MBOAT1: variants seen among roughly 807,000 people sequenced by gnomAD.
MBOAT1 encodes membrane bound glycerophospholipid O-acyltransferase 1, also known as membrane-bound glycerophospholipid O-acyltransferase 1.
A neutral mutation model predicts 64.4 loss-of-function variants in MBOAT1; 67 were observed. The observed-to-expected ratio is 1.04, with a 90% CI of 0.85 to 1.27. The LOEUF is 1.27. Among genes scored for constraint, MBOAT1 ranks in the 50% most tolerant of loss-of-function variants. MBOAT1 has a pLI of 0.00. For missense variants in MBOAT1, 563 were observed against 604.6 expected (o/e 0.93, Z 0.72); for synonymous variants, 229 against 218.9 (o/e 1.05, Z -0.41).
chr6:20,166,709 G>A (rs547691557), intron 1 of MBOAT1, among the ~76,000 whole-genome samples: 8 of 152,154 alleles, frequency 5.3e-5, no homozygotes, highest in African/African-American at 1.4e-4. Flanking sequence ...AGGCCGAGGC[G>A]GGAGGATGGT....
intron 6 of MBOAT1, among the ~76,000 whole-genome samples, chr6:20,127,746 T>C (rs938796867): frequency 1.3e-5 from 2 of 152,114 alleles, no homozygotes; most frequent in African/African-American, 4.8e-5. Context: ...GTGAGTTGTA[T>C]AATTATTTCA....
chr6:20,107,261 A>C (rs2113625080), intron 12 of MBOAT1, among the ~76,000 whole-genome samples: 1 of 152,172 alleles, frequency 6.6e-6, no homozygotes, highest in South Asian at 2.1e-4. Context: ...CTTGGATTCT[A>C]TGTTCTGCCC....
At chr6:20,195,634 T>C (rs910443523) in intron 1 of MBOAT1, among the ~76,000 whole-genome samples, 23 of 151,400 alleles carry the variant, frequency 1.5e-4, no homozygotes, top group Non-Finnish European at 3.2e-4. Context: ...TGTGTGTGTG[T>C]GCATGTGCAC....
At chr6:20,145,703 A>G (rs1761307551) in intron 3 of MBOAT1, among the ~76,000 whole-genome samples, 2 of 152,178 alleles carry the variant, frequency 1.3e-5, no homozygotes, top group Admixed American at 6.5e-5. Context: ...ATGACACTGC[A>G]CTGCTCATGT....
chr6:20,131,038 A>T, intron 5 of MBOAT1, 106 bp downstream of exon 5: 2 of 978,042 alleles, frequency 2.0e-6, no homozygotes, highest in East Asian at 2.5e-5. Flanking sequence ...ATAAAGCAAG[A>T]TCTGCCAGCA....
At chr6:20,139,465 A>G (rs1291551526) in intron 4 of MBOAT1, among the ~76,000 whole-genome samples, 1 of 151,352 alleles carries the variant, frequency 6.6e-6, no homozygotes, top group Non-Finnish European at 1.5e-5. Flanking sequence ...AAATAAGGAC[A>G]TATTCTGAGG....
chr6:20,149,841 T>C (rs767207223), intron 3 of MBOAT1, among the ~76,000 whole-genome samples: 1 of 152,236 alleles, frequency 6.6e-6, no homozygotes, highest in Non-Finnish European at 1.5e-5. Context: ...ACTGTGCTAA[T>C]AGTGATTAAT....
At chr6:20,182,606 T>C (rs1325877371) in intron 1 of MBOAT1, among the ~76,000 whole-genome samples, 1 of 152,164 alleles carries the variant, frequency 6.6e-6, no homozygotes, top group Non-Finnish European at 1.5e-5. Context: ...GAGCAATGCC[T>C]TGGGTCTGTT....
At chr6:20,209,715 G>C (rs145075613) in intron 1 of MBOAT1, among the ~76,000 whole-genome samples, 1 of 152,118 alleles carries the variant, frequency 6.6e-6, no homozygotes, top group African/African-American at 2.4e-5. Context: ...CTCTCTAATG[G>C]GACAGGAGCA....
chr6:20,120,296 T>C (rs1278480300), intron 8 of MBOAT1, among the ~76,000 whole-genome samples: 1 of 152,156 alleles, frequency 6.6e-6, no homozygotes, highest in East Asian at 1.9e-4. Context: ...AAATTAAATA[T>C]GTGTGCAGTG....
chr6:20,148,602 G>A (rs868511733), intron 3 of MBOAT1, among the ~76,000 whole-genome samples: 2 of 152,170 alleles, frequency 1.3e-5, no homozygotes, highest in Non-Finnish European at 2.9e-5. Flanking sequence ...GCATTTTGCA[G>A]GAGGGAAATG....
chr6:20,133,753 G>C (rs1296479510), intron 4 of MBOAT1, among the ~76,000 whole-genome samples: 1 of 152,176 alleles, frequency 6.6e-6, no homozygotes, highest in Non-Finnish European at 1.5e-5. Flanking sequence ...TCTTGGGTTA[G>C]ACCTAATGTA....
At chr6:20,114,501 G>A (rs549866373) in intron 10 of MBOAT1, among the ~76,000 whole-genome samples, 3 of 152,270 alleles carry the variant, frequency 2.0e-5, no homozygotes, top group African/African-American at 7.2e-5. Context: ...TGCAATCATC[G>A]GTGATTTGAT....
intron 1 of MBOAT1, among the ~76,000 whole-genome samples, chr6:20,205,720 C>T (rs1763242858): frequency 6.6e-6 from 1 of 152,140 alleles, no homozygotes; most frequent in Non-Finnish European, 1.5e-5. Context: ...GTACCCCCAA[C>T]ACATCTACAT....
At chr6:20,123,294 A>G (rs1224962862) in intron 8 of MBOAT1, among the ~76,000 whole-genome samples, 1 of 152,168 alleles carries the variant, frequency 6.6e-6, no homozygotes, top group Non-Finnish European at 1.5e-5. Flanking sequence ...ACCAAGTTTA[A>G]TCTTCTATTT....
chr6:20,195,203 T>C (rs1195621228), intron 1 of MBOAT1, among the ~76,000 whole-genome samples: 6 of 152,202 alleles, frequency 3.9e-5, no homozygotes, highest in South Asian at 4.1e-4. Flanking sequence ...TCTGCCTGTC[T>C]CAGCCTCCGA....
At chr6:20,128,589 T>C in intron 6 of MBOAT1, 110 bp downstream of exon 6, 1 of 741,258 alleles carries the variant, frequency 1.3e-6, no homozygotes, top group Non-Finnish European at 2.1e-6. Context: ...ATAAAATAAA[T>C]GATATTATAT....
intron 4 of MBOAT1, among the ~76,000 whole-genome samples, chr6:20,143,304 T>G (rs1460232998): frequency 1.3e-5 from 2 of 152,194 alleles, no homozygotes; most frequent in African/African-American, 4.8e-5. Context: ...GTCTTTACCA[T>G]GTGACCAATC....
chr6:20,195,154 T>A (rs1359641318), intron 1 of MBOAT1, among the ~76,000 whole-genome samples: 1 of 152,144 alleles, frequency 6.6e-6, no homozygotes. Context: ...GGTTTTGCCA[T>A]GATGCCCAGG....
Sources: allele counts gnomAD v4.1 joint callset (sites outside exome capture counted in the v4.1 genomes callset), GRCh38; gene constraint gnomAD v4.1.1; transcripts MANE v1.5; gene names NCBI Gene and HGNC (gene_info 2026-07-23, HGNC 2026-07-21).